SETD2: variants seen among roughly 807,000 people sequenced by gnomAD.
SETD2 encodes the protein histone-lysine N-methyltransferase SETD2.
A neutral mutation model predicts 242.1 loss-of-function variants in SETD2; 31 were observed. The ratio of observed to expected loss-of-function variants is 0.13; its 90% CI spans 0.10 to 0.17. SETD2 has a LOEUF of 0.17. Ranked by LOEUF, SETD2 falls within the 10% of genes least tolerant of loss-of-function variation. The pLI, the probability that SETD2 is intolerant of heterozygous loss-of-function variation, is 1.00. For missense variants in SETD2, 2,481 were observed against 3,046.3 expected (o/e 0.81, Z 4.37); for synonymous variants, 1,006 against 1,066.5 (o/e 0.94, Z 1.11).
At chr3:47,069,164 A>G (rs1006455103) in intron 12 of SETD2, among the ~76,000 whole-genome samples, 1 of 152,158 alleles carries the variant, frequency 6.6e-6, no homozygotes, top group African/African-American at 2.4e-5. Context: ...CAATTTTCCA[A>G]AAAGGAAACT....
intron 3 of SETD2, 63 bp from the exon 4 acceptor site, chr3:47,116,817 T>C (rs2042870953): frequency 8.5e-7 from 1 of 1,173,408 alleles, no homozygotes; most frequent in Admixed American, 2.1e-5. Context: ...ATAACATATA[T>C]AATCAAATAT....
rs574099059 is a variant in SETD2, at chr3:47,123,096, G to T, written c.1540C>A (p.Leu514Ile). ...MERRGKYSSKLERESKRTSEN... is the reference protein window; with the variant it reads ...MERRGKYSSKIERESKRTSEN... ...GAAGTCCTTTTAGATTCTCTTTCTA[G>T]TTTTGAAGAATACTTGCCTCTTCTT... The change falls in exon 3 of 21, where the codon CTA (leucine) becomes ATA (isoleucine). Residue 514 changes from leucine to isoleucine, a missense_variant. This residue lies in a region of SETD2 where 1,300 missense variants were observed against 1,259.2 expected (regional missense o/e 1.03). Transcript: ENST00000409792. 46 of 1,613,448 alleles carry T rather than the reference G, an allele frequency of 2.9e-5. No homozygotes were observed. In the South Asian group the frequency reaches 4.5e-4, roughly 16 times the overall value.
chr3:47,104,638 C>A (rs780384719), intron 6 of SETD2, among the ~76,000 whole-genome samples: 18 of 152,176 alleles, frequency 1.2e-4, no homozygotes, highest in Non-Finnish European at 2.4e-4. Flanking sequence ...AAGTCATCAA[C>A]AGGTTCTTTG....
chr3:47,083,606 T>C, intron 12 of SETD2, 114 bp downstream of exon 12: 3 of 932,770 alleles, frequency 3.2e-6, no homozygotes, highest in Non-Finnish European at 4.9e-6. Flanking sequence ...AGAGAGACAG[T>C]ATTCCATTTT....
At chr3:47,085,812 C>G (rs551737170) in intron 11 of SETD2, among the ~76,000 whole-genome samples, 7 of 152,146 alleles carry the variant, frequency 4.6e-5, no homozygotes, top group Non-Finnish European at 1.0e-4. Flanking sequence ...TCTTGTTATG[C>G]AGAATTCAGA....
intron 1 of SETD2, among the ~76,000 whole-genome samples, chr3:47,152,160 A>C (rs1355942784): frequency 6.6e-6 from 1 of 152,238 alleles, no homozygotes; most frequent in Admixed American, 6.5e-5. Context: ...GCTTGAAAAT[A>C]TACCTATTAT....
intron 1 of SETD2, among the ~76,000 whole-genome samples, chr3:47,153,162 C>T (rs200754873): frequency 0.03 from 4,608 of 151,960 alleles, 230 homozygotes; most frequent in East Asian, 0.13. Context: ...AAGTGATTAT[C>T]TAATTTTTAA....
intron 1 of SETD2, among the ~76,000 whole-genome samples, chr3:47,160,823 C>T (rs957781454): frequency 3.3e-5 from 5 of 152,156 alleles, no homozygotes; most frequent in Non-Finnish European, 7.3e-5. Context: ...TCTACTTTGC[C>T]GTGTCCTCAA....
chr3:47,063,320 T>G (rs1452001467), intron 13 of SETD2, among the ~76,000 whole-genome samples: 1 of 152,028 alleles, frequency 6.6e-6, no homozygotes, highest in Non-Finnish European at 1.5e-5. Flanking sequence ...TAAAAAAACA[T>G]AATACCAGGC....
intron 8 of SETD2, among the ~76,000 whole-genome samples, chr3:47,098,946 CAG>C: frequency 6.6e-6 from 1 of 152,224 alleles, no homozygotes; most frequent in Non-Finnish European, 1.5e-5. Context: ...TTCTTTCCCT[CAG>C]AGAGGACAAT....
chr3:47,062,737 A>C (rs2040393249), intron 13 of SETD2, among the ~76,000 whole-genome samples: 1 of 152,206 alleles, frequency 6.6e-6, no homozygotes, highest in South Asian at 2.1e-4. Context: ...TTTATAATCT[A>C]TAGAAAAGCA....
At chr3:47,104,991 T>C (rs943228906) in intron 6 of SETD2, among the ~76,000 whole-genome samples, 1 of 152,176 alleles carries the variant, frequency 6.6e-6, no homozygotes, top group African/African-American at 2.4e-5. Context: ...CTGGCCTCCT[T>C]TGGCTTCAAA....
chr3:47,120,967 T>G lies in SETD2; in HGVS notation c.3669A>C (p.Gln1223His), dbSNP rs1204601057. The change falls in exon 3 of 21, where the codon CAA (glutamine) becomes CAC (histidine). Residue 1223 changes from glutamine (Q) to histidine (H), a missense_variant. Around this residue, in one of 17 missense-constraint regions of SETD2, gnomAD observed 1,300 missense variants for 1,259.2 expected, o/e 1.03. Transcript: ENST00000409792. ...TTCCCAGTCTACTATCTGGCCTGTTTTGGAAAGTGGTCTGTTGCCAAGACT... is the reference window on the plus strand; with the variant it reads ...TTCCCAGTCTACTATCTGGCCTGTTGTGGAAAGTGGTCTGTTGCCAAGACT... ...PNKSWQQTTF[Q>H]NRPDSRLGKT... is the part of the protein sequence containing the mutation. The G allele has an allele frequency of 6.2e-7, 1 of 1,614,204 alleles. No homozygotes were observed. The highest frequency in any genetic ancestry group is 1.1e-5 in the South Asian group (1 of 91,086).
intron 1 of SETD2, among the ~76,000 whole-genome samples, chr3:47,154,864 G>GGCGC (rs2044090126): frequency 6.6e-6 from 1 of 151,532 alleles, no homozygotes; most frequent in Non-Finnish European, 1.5e-5. Flanking sequence ...CGTGGTGGCG[G>GGCGC]GCGCCTGTAG....
chr3:47,138,086 C>G (rs980768969), intron 1 of SETD2, among the ~76,000 whole-genome samples: 1 of 151,848 alleles, frequency 6.6e-6, no homozygotes, highest in Admixed American at 6.6e-5. Flanking sequence ...ATTCTCCTGC[C>G]TCAGCCTCCC....
At chr3:47,148,110 T>TTTGTTGTTGTTG (rs144690368) in intron 1 of SETD2, among the ~76,000 whole-genome samples, 1 of 148,898 alleles carries the variant, frequency 6.7e-6, no homozygotes, top group East Asian at 2.0e-4. Context: ...TTGGTTGTGT[T>TTTGTTGTTGTTG]TTGTTGTTGT....
chr3:47,094,132 A>G (rs1041734208), intron 9 of SETD2, among the ~76,000 whole-genome samples: 1 of 152,166 alleles, frequency 6.6e-6, no homozygotes, highest in African/African-American at 2.4e-5. Flanking sequence ...ATTATTATTG[A>G]TTTGTTTCAA....
At chr3:47,161,256 T>G (rs996763631) in intron 1 of SETD2, among the ~76,000 whole-genome samples, 2 of 152,150 alleles carry the variant, frequency 1.3e-5, no homozygotes, top group African/African-American at 2.4e-5. Context: ...TCTCATTCAA[T>G]CCTCCCAAAA....
intron 13 of SETD2, 36 bp from the exon 14 acceptor site, chr3:47,062,382 T>G: frequency 6.5e-7 from 1 of 1,550,012 alleles, no homozygotes; most frequent in East Asian, 2.3e-5. Flanking sequence ...TTTTTTTTTT[T>G]TTTAAGTTTA....
Sources: allele counts gnomAD v4.1 joint callset (sites outside exome capture counted in the v4.1 genomes callset), GRCh38; gene constraint gnomAD v4.1.1; regional missense constraint gnomAD v4.1.1; transcripts MANE v1.5; gene names NCBI Gene and HGNC (gene_info 2026-07-23, HGNC 2026-07-21).